Variants in SH3TC1 observed in about 807,000 individuals in gnomAD.
SH3TC1 encodes the protein SH3 domain and tetratricopeptide repeats 1.
In SH3TC1, 135 loss-of-function variants were observed where a neutral mutation model predicts 117.3. The observed-to-expected ratio is 1.15, with a 90% CI of 1.00 to 1.33. The LOEUF (loss-of-function observed/expected upper bound fraction) is 1.33, where lower values mean the gene tolerates loss of function less well. Ranked by LOEUF, SH3TC1 falls within the 40% of genes most tolerant of loss-of-function variation. SH3TC1 has a pLI of 0.00. For missense variants in SH3TC1, 2,092 were observed against 1,794.3 expected (o/e 1.17, Z -3.00); for synonymous variants, 898 against 816.9 (o/e 1.10, Z -1.69).
At chr4:8,195,848 C>T (rs1717543161), upstream of SH3TC1, among the ~76,000 whole-genome samples, 1 of 152,232 alleles carries the variant, frequency 6.6e-6, no homozygotes, top group Non-Finnish European at 1.5e-5. Context: ...GGAGGTGCCA[C>T]AGGCAGGCAG....
Position 8,228,120 on chromosome 4 carries a change from T to C in SH3TC1, c.2426T>C (p.Met809Thr). The change falls in exon 12 of 18, where the codon ATG becomes ACG. Residue 809 changes from methionine to threonine, a missense_variant. Transcript: ENST00000245105. ...TGCCACGGCCCGGCCATCACCTTCA[T>C]GACGCAGGCAGTGGAAGCCAGTGCT... ...HGCHGPAITFMTQAVEASAIA... is the reference protein window; with the variant it reads ...HGCHGPAITFTTQAVEASAIA... 2 of 1,612,112 alleles carry C rather than the reference T, an allele frequency of 1.2e-6. No homozygotes were observed. The highest frequency in any genetic ancestry group is 1.7e-6 in the Non-Finnish European group (2 of 1,179,394).
chr4:8,233,187 T>G, intron 13 of SH3TC1, 176 bp from the exon 14 acceptor site: 1 of 1,400,808 alleles, frequency 7.1e-7, no homozygotes, highest in Non-Finnish European at 9.2e-7. Flanking sequence ...GTCTTTTCCT[T>G]GCCGTGTGTG....
chr4:8,188,543 A>G lies in SH3TC1; in HGVS notation c.-57+6333A>G, dbSNP rs540730749. 2.6e-5 allele frequency among the ~76,000 whole-genome samples: 4 copies of G among 152,374 alleles called. No homozygotes were observed. In the South Asian group the frequency reaches 8.3e-4, roughly 32 times the overall value. On this transcript the variant is annotated intron_variant, in intron 1 of 16. Coordinates refer to the SH3TC1 transcript ENST00000508641. ...GCTCTCCATCATTGGGTTGCACCCC[A>G]GCATGAGCTATGTGGGCCAGTGGGG...
In SH3TC1 at chr4:8,205,039, C is replaced by T. The variant is rs907732451; in HGVS notation, c.-28-128C>T. 7 of 682,876 alleles carry T rather than the reference C, an allele frequency of 1.0e-5. No individual in the cohort carries two copies. The highest frequency in any genetic ancestry group is 3.7e-5 in the African/African-American group (2 of 54,632). 42.3% of individuals were successfully genotyped at this position (682,876 alleles called of 1,614,324 possible). A position where few individuals can be genotyped will look rare whatever the true frequency, so the allele number is the denominator to read the frequency against. ...ACGGTGCACGGTGCGGTGAGGGGCT[C>T]GCTGGATCTGAAAGGTGCAGGCGCT... On this transcript the variant is annotated intron_variant, in intron 1 of 17. Coordinates refer to ENST00000245105, the MANE Select transcript of SH3TC1 (RefSeq NM_018986.5). The surrounding 1 kb of genome is among the most constrained non-coding windows in gnomAD (Gnocchi z 5.4).
At chr4:8,196,981 G>A (rs945483522), upstream of SH3TC1, among the ~76,000 whole-genome samples, 1 of 152,184 alleles carries the variant, frequency 6.6e-6, no homozygotes, top group Non-Finnish European at 1.5e-5. The surrounding 1 kb of genome is among the most constrained non-coding windows in gnomAD (Gnocchi z 4.6). Context: ...ACACCAAAAG[G>A]TAGGACCACC....
At chr4:8,182,826 G>A (rs1419693093) in intron 1 of SH3TC1, among the ~76,000 whole-genome samples, 1 of 152,200 alleles carries the variant, frequency 6.6e-6, no homozygotes, top group Non-Finnish European at 1.5e-5. Context: ...TGCTACACCA[G>A]TGCCAGGGGT....
In SH3TC1 at chr4:8,227,804, G is replaced by A. The variant is rs373404534; in HGVS notation, c.2110G>A (p.Ala704Thr). The change falls in exon 12 of 18, where the codon GCG becomes ACG. Residue 704 changes from alanine to threonine, a missense_variant. Ala to Thr is a moderately conservative substitution (Grantham distance 58). Transcript: ENST00000245105. ...LHRDSGAPEA[A>T]WLSDCYLLLA... ...CAGGGACTCGGGAGCCCCAGAGGCC[G>A]CGTGGCTCTCAGACTGCTACCTACT... is the stretch of plus-strand genomic sequence containing the variant. 7.6e-4 allele frequency: 1,232 copies of A among 1,612,764 alleles called. 14 individuals carry two copies. In the South Asian group the frequency reaches 0.012, roughly 16 times the overall value.
Position 8,236,343 on chromosome 4 carries a change from G to A in SH3TC1, c.3471G>A (p.Lys1157=), listed in dbSNP as rs552415871. ...NRKAELRLCN[K]LVALLATLEE... ...AGGCGGAGCTGCGGCTGTGCAACAA[G>A]CTGGTGGCACTGCTGGCCACGCTGG... The change falls in exon 16 of 18, where the codon AAG becomes AAA. Residue 1157 remains lysine, a synonymous_variant. Coordinates refer to ENST00000245105, the MANE Select transcript of SH3TC1 (RefSeq NM_018986.5). 1.0e-5 allele frequency: 16 copies of A among 1,552,454 alleles called. No individual in the cohort carries two copies. The Admixed American group carries it at 1.6e-4, about 15-fold the overall frequency.
chr4:8,230,842 G>C (rs57499094), intron 12 of SH3TC1, among the ~76,000 whole-genome samples: 2,743 of 150,182 alleles, frequency 0.018, 82 homozygotes, highest in African/African-American at 0.064. Flanking sequence ...GAGTGCAGTG[G>C]TGCAATCTCG....
At chr4:8,200,973 T>A (rs1717793143) in intron 1 of SH3TC1, among the ~76,000 whole-genome samples, 1 of 152,176 alleles carries the variant, frequency 6.6e-6, no homozygotes, top group Non-Finnish European at 1.5e-5. Context: ...GGAAGGTCGC[T>A]TCATCTGCGC....
chr4:8,227,340 C>T lies in SH3TC1; in HGVS notation c.1646C>T (p.Ala549Val), dbSNP rs370557515. 4.6e-5 allele frequency: 74 copies of T among 1,602,378 alleles called. No homozygotes were observed. The highest frequency in any genetic ancestry group is 2.1e-4 in the Admixed American group (12 of 58,396). Residue 549 changes from alanine (A) to valine (V), a missense_variant, in exon 12 of 18, where the codon GCG (alanine) becomes GTG (valine). By Grantham distance (64) the Ala-to-Val change is moderately conservative. Transcript: ENST00000245105. ...LTGRLAQARG[A>V]AKKAGLLMAL... is the part of the protein sequence containing the mutation. ...GGGCGCCTGGCACAGGCCCGGGGGG[C>T]GGCCAAGAAAGCTGGCCTCCTCATG...
chr4:8,195,933 G>A (rs578128683), upstream of SH3TC1, among the ~76,000 whole-genome samples: 9 of 152,334 alleles, frequency 5.9e-5, no homozygotes, highest in African/African-American at 2.2e-4. Context: ...CATCTGAGCA[G>A]GGGCACAGGG....
intron 12 of SH3TC1, chr4:8,229,094 C>T (rs375763842): frequency 1.2e-4 from 19 of 164,384 alleles, no homozygotes; most frequent in East Asian, 1.1e-3. Context: ...TCACAGAGGA[C>T]GCAGGGGCGG....
rs1718528202 is a variant in SH3TC1, at chr4:8,210,078, G to T, written c.247+256G>T. On this transcript the variant is annotated intron_variant, in intron 3 of 17. Coordinates refer to ENST00000245105, the MANE Select transcript of SH3TC1 (RefSeq NM_018986.5). This position sits in a 1 kb window ranked among gnomAD's most constrained non-coding sequence, Gnocchi z 4.1. The stretch of plus-strand genomic sequence containing the variant: ...ACAAACGGCAGACACGGTCCTGGGG[G>T]CTCCGTGGGTGACACCCCAGGGAGG... 1.3e-5 allele frequency among the ~76,000 whole-genome samples: 2 copies of T among 152,184 alleles called. No individual in the cohort carries two copies. Among genetic ancestry groups the T allele is most frequent in the African/African-American group, 2.4e-5 (1 of 41,460 alleles).
At position 8,205,474 on chromosome 4, in the gene SH3TC1, G is replaced by T. The variant is rs996830477; in HGVS notation, c.172+108G>T. 7.0e-7 allele frequency: 1 copy of T among 1,427,968 alleles called. No homozygotes were observed. Among genetic ancestry groups the T allele is most frequent in the Admixed American group, 1.7e-5 (1 of 58,880 alleles). 88.5% of individuals were successfully genotyped at this position (1,427,968 alleles called of 1,614,324 possible). A position where few individuals can be genotyped will look rare whatever the true frequency, so the allele number is the denominator to read the frequency against. On this transcript the variant is annotated intron_variant, in intron 2 of 17. Transcript: ENST00000245105. This position sits in a 1 kb window ranked among gnomAD's most constrained non-coding sequence, Gnocchi z 5.4. Reference sequence around the variant, plus strand: ...ACCCTGCCTGCCTCCAGGCCTCTTGGGGCTGGGGCTGGAGTCTGCTCTCCA... The same window carrying T: ...ACCCTGCCTGCCTCCAGGCCTCTTGTGGCTGGGGCTGGAGTCTGCTCTCCA...
Position 8,232,148 on chromosome 4 carries a change from C to A in SH3TC1, c.3123C>A (p.Gly1041=). 6.3e-7 allele frequency: 1 copy of A among 1,579,794 alleles called. No individual in the cohort carries two copies. The highest frequency in any genetic ancestry group is 8.5e-7 in the Non-Finnish European group (1 of 1,169,716). Residue 1041 remains glycine (G), a synonymous_variant, in exon 13 of 18, where the codon GGC becomes GGA. Coordinates refer to ENST00000245105, the MANE Select transcript of SH3TC1 (RefSeq NM_018986.5). ...TCAGCCAGCTCTACCTGTCCCTGGGCACCGAGCGGTGAGGGCTGGCTCTGT... is the reference window on the plus strand; with the variant it reads ...TCAGCCAGCTCTACCTGTCCCTGGGAACCGAGCGGTGAGGGCTGGCTCTGT... ...ETISQLYLSL[G]TERAYKSALD...
At chr4:8,194,373 C>T (rs1717500049), upstream of SH3TC1, among the ~76,000 whole-genome samples, 1 of 152,198 alleles carries the variant, frequency 6.6e-6, no homozygotes, top group Non-Finnish European at 1.5e-5. Flanking sequence ...TTTCCCAGGC[C>T]ATCGTGGCCA....
chr4:8,239,692 G>A (rs189015763), intron 17 of SH3TC1, among the ~76,000 whole-genome samples: 7 of 152,330 alleles, frequency 4.6e-5, no homozygotes, highest in Non-Finnish European at 8.8e-5. Context: ...GATGCCACCC[G>A]CTTCAGGAAG....
At chr4:8,238,197 A>AGGGTG (rs1721993142) in intron 17 of SH3TC1, among the ~76,000 whole-genome samples, 1 of 151,786 alleles carries the variant, frequency 6.6e-6, no homozygotes, top group Non-Finnish European at 1.5e-5. Context: ...TCACCCAGGC[A>AGGGTG]GGGTGGGGCG....
Sources: gnomAD v4.1 joint callset for allele counts (sites outside exome capture counted in the v4.1 genomes callset) on GRCh38, gnomAD v4.1.1 for gene constraint, Gnocchi (gnomAD v3.1) non-coding constraint, MANE v1.5 for transcripts, NCBI Gene and HGNC (gene_info 2026-07-23, HGNC 2026-07-21) for gene names.